Variants in SLC35F4 observed in about 807,000 individuals in gnomAD.
The protein encoded by SLC35F4 is solute carrier family 35 member F4, also known as chromosome 14 open reading frame 36.
In SLC35F4, 24 loss-of-function variants were observed where a neutral mutation model predicts 44.2. The observed-to-expected ratio is 0.54, with a 90% CI of 0.39 to 0.76. The LOEUF is 0.76. SLC35F4 is among the 30% of genes least tolerant of loss of function. SLC35F4 has a pLI of 0.00. For synonymous variants in SLC35F4, 238 were observed against 223.6 expected, an observed-to-expected ratio of 1.06 and a Z score of -0.57; for missense variants, 562 against 586.1, an observed-to-expected ratio of 0.96 and a Z score of 0.42.
chr14:57,771,576 TTTAA>T (rs1258876489), intron 1 of SLC35F4, among the ~76,000 whole-genome samples: 7 of 139,474 alleles, frequency 5.0e-5, no homozygotes, highest in African/African-American at 5.4e-5. Context: ...TTTTTCAACT[TTTAA>T]TTAATTAATT....
chr14:57,632,648 A>C lies in SLC35F4; in HGVS notation c.104-38524T>G, dbSNP rs116855728. 9.5e-3 allele frequency among the ~76,000 whole-genome samples: 1,442 copies of C among 152,106 alleles called. 10 individuals are homozygous for C. The highest frequency in any genetic ancestry group is 0.016 in the Non-Finnish European group (1,090 of 67,958). Reference sequence around the variant, plus strand: ...ACTGATGAACCTACATGAACACTGCATTATCACCCAAAGTCCATAGTTTAC... The same window carrying C: ...ACTGATGAACCTACATGAACACTGCCTTATCACCCAAAGTCCATAGTTTAC... On this transcript the variant is annotated intron_variant, in intron 1 of 7. Coordinates refer to ENST00000556826, the MANE Select transcript of SLC35F4 (RefSeq NM_001306087.2).
intron 1 of SLC35F4, among the ~76,000 whole-genome samples, chr14:57,646,138 A>C (rs7152426): frequency 0.87 from 132,297 of 152,052 alleles, 58,589 homozygotes; most frequent in Non-Finnish European, 0.97. Flanking sequence ...CTGGCCTCAT[A>C]AAATGAGTTA....
At chr14:57,612,909 G>A (rs1267287209) in intron 1 of SLC35F4, among the ~76,000 whole-genome samples, 3 of 152,152 alleles carry the variant, frequency 2.0e-5, no homozygotes, top group Non-Finnish European at 4.4e-5. Flanking sequence ...TGAGAAATTG[G>A]GTAATTAGCA....
chr14:57,577,290 G>C (rs2068857151), intron 4 of SLC35F4, among the ~76,000 whole-genome samples: 1 of 152,140 alleles, frequency 6.6e-6, no homozygotes, highest in Non-Finnish European at 1.5e-5. Context: ...ACTTCAGTCA[G>C]TTTTTGGTAG....
chr14:57,689,164 G>A (rs1375132833), intron 1 of SLC35F4, among the ~76,000 whole-genome samples: 4 of 152,030 alleles, frequency 2.6e-5, no homozygotes, highest in African/African-American at 7.2e-5. Flanking sequence ...CTCCTCACTC[G>A]AAAATATGTT....
chr14:57,906,233 A>C (rs1262685736), intron 1 of SLC35F4, among the ~76,000 whole-genome samples: 2 of 152,254 alleles, frequency 1.3e-5, no homozygotes, highest in Non-Finnish European at 2.9e-5. Context: ...CATACCCTAA[A>C]GATGACTGCC....
chr14:57,670,610 A>G (rs1401367750), intron 1 of SLC35F4, among the ~76,000 whole-genome samples: 1 of 151,958 alleles, frequency 6.6e-6, no homozygotes, highest in Non-Finnish European at 1.5e-5. Context: ...ATTCAGGAGC[A>G]GGTTGTTCAG....
At chr14:57,616,583 G>T (rs897746014) in intron 1 of SLC35F4, among the ~76,000 whole-genome samples, 1 of 152,098 alleles carries the variant, frequency 6.6e-6, no homozygotes, top group Admixed American at 6.6e-5. Flanking sequence ...GTATGAATTG[G>T]GTGGGCTGGT....
At chr14:57,668,685 C>A (rs139353432) in intron 1 of SLC35F4, among the ~76,000 whole-genome samples, 3,901 of 151,972 alleles carry the variant, frequency 0.026, 183 homozygotes, top group African/African-American at 0.088. Flanking sequence ...GTTCCATTGG[C>A]CTATATCTCT....
At chr14:57,821,958 C>A (rs1037323043) in intron 1 of SLC35F4, among the ~76,000 whole-genome samples, 4 of 152,198 alleles carry the variant, frequency 2.6e-5, no homozygotes, top group African/African-American at 9.7e-5. Context: ...CAGGCACTGA[C>A]CCTGCCTACA....
At chr14:57,978,032 G>A (rs1459137985) in intron 1 of SLC35F4, among the ~76,000 whole-genome samples, 2 of 152,180 alleles carry the variant, frequency 1.3e-5, no homozygotes, top group Non-Finnish European at 2.9e-5. Flanking sequence ...GAAAGGGCAT[G>A]TGAATAAACC....
At chr14:57,685,301 G>A (rs908322534) in intron 1 of SLC35F4, among the ~76,000 whole-genome samples, 9 of 152,126 alleles carry the variant, frequency 5.9e-5, no homozygotes, top group African/African-American at 2.2e-4. Flanking sequence ...AATCAGGTAA[G>A]GCCTTAGAGA....
At chr14:57,938,091 C>T (rs1889848914) in intron 1 of SLC35F4, among the ~76,000 whole-genome samples, 1 of 151,966 alleles carries the variant, frequency 6.6e-6, no homozygotes, top group Non-Finnish European at 1.5e-5. Flanking sequence ...AGAAGATTGC[C>T]CAATATTCAG....
intron 1 of SLC35F4, among the ~76,000 whole-genome samples, chr14:57,887,027 C>T (rs1264159966): frequency 6.6e-6 from 1 of 152,166 alleles, no homozygotes; most frequent in African/African-American, 2.4e-5. Flanking sequence ...ACTTTCCCTC[C>T]ACTTCCTAAA....
At chr14:57,675,395 G>A (rs2074658765) in intron 1 of SLC35F4, among the ~76,000 whole-genome samples, 1 of 152,004 alleles carries the variant, frequency 6.6e-6, no homozygotes, top group Admixed American at 6.6e-5. Flanking sequence ...GATTGAAAAA[G>A]GGATGAGCAT....
intron 1 of SLC35F4, among the ~76,000 whole-genome samples, chr14:57,623,169 GA>G (rs1361121043): frequency 6.6e-6 from 1 of 152,030 alleles, no homozygotes; most frequent in Non-Finnish European, 1.5e-5. Flanking sequence ...CCTATTCTCT[GA>G]AAAAACCCAG....
chr14:57,724,141 C>A (rs937083920), intron 1 of SLC35F4, among the ~76,000 whole-genome samples: 1 of 152,186 alleles, frequency 6.6e-6, no homozygotes, highest in Non-Finnish European at 1.5e-5. Flanking sequence ...TGAAAGGCTG[C>A]CAGTTTTGAG....
intron 1 of SLC35F4, among the ~76,000 whole-genome samples, chr14:57,776,975 T>C (rs1055571508): frequency 2.6e-5 from 4 of 152,158 alleles, no homozygotes; most frequent in African/African-American, 9.7e-5. Context: ...AAGATGGTTA[T>C]CAGCCACTAA....
At chr14:57,934,508 G>C (rs560760042) in intron 1 of SLC35F4, among the ~76,000 whole-genome samples, 67 of 152,012 alleles carry the variant, frequency 4.4e-4, no homozygotes, top group African/African-American at 1.6e-3. Flanking sequence ...TCTCTGCATA[G>C]AGGGATTACT....
Sources: gnomAD v4.1 joint callset for allele counts (sites outside exome capture counted in the v4.1 genomes callset) on GRCh38, gnomAD v4.1.1 for gene constraint, MANE v1.5 for transcripts, NCBI Gene and HGNC (gene_info 2026-07-23, HGNC 2026-07-21) for gene names.